ANK2: variants seen among roughly 807,000 people sequenced by gnomAD.
ANK2 encodes ankyrin-2.
In ANK2, 83 loss-of-function variants were observed where a neutral mutation model predicts 360.5. The ratio of observed to expected loss-of-function variants is 0.23; its 90% confidence interval spans 0.19 to 0.28. ANK2 has a LOEUF of 0.28. Among genes scored for constraint, ANK2 ranks in the 10% least tolerant of loss-of-function variants. The probability of loss-of-function intolerance (pLI) is 1.00; values close to 1 mark genes in which losing one functional copy is unlikely to be tolerated. For missense variants in ANK2, 4,201 were observed against 4,795.7 expected, an observed-to-expected ratio of 0.88 and a Z score of 3.66; for synonymous variants, 1,740 against 1,759.5, an observed-to-expected ratio of 0.99 and a Z score of 0.28.
At chr4:112,792,200 C>T in the ANK2 span, among the ~76,000 whole-genome samples, 2 of 151,970 alleles carry the variant, frequency 1.3e-5, no homozygotes, top group Non-Finnish European at 2.9e-5. Context: ...CGCCACCACA[C>T]CTGGGTAATT....
At chr4:112,827,054 T>C in intron 1 of ANK2, 4 of 1,299,806 alleles carry the variant, frequency 3.1e-6, no homozygotes, top group Non-Finnish European at 4.5e-6. Flanking sequence ...AACTTAACTG[T>C]TGCTGTGAAC....
intron 26 of ANK2, among the ~76,000 whole-genome samples, chr4:113,327,915 A>T (rs1430964953): frequency 6.6e-6 from 1 of 152,232 alleles, no homozygotes; most frequent in Non-Finnish European, 1.5e-5. Context: ...GTTTCAAGAG[A>T]CACAGTCAAT....
chr4:113,097,067 T>A (rs2091351782), intron 1 of ANK2, among the ~76,000 whole-genome samples: 1 of 150,952 alleles, frequency 6.6e-6, no homozygotes, highest in South Asian at 2.1e-4. Flanking sequence ...GGCTAGGATG[T>A]CTGTCATTTA....
chr4:113,131,731 T>C (rs1307627267), intron 1 of ANK2, among the ~76,000 whole-genome samples: 2 of 152,190 alleles, frequency 1.3e-5, no homozygotes, highest in African/African-American at 4.8e-5. Flanking sequence ...AAGCAGTATA[T>C]TGTAACTGAG....
intron 14 of ANK2, among the ~76,000 whole-genome samples, chr4:113,272,465 A>G (rs754245147): frequency 4.6e-5 from 7 of 152,242 alleles, no homozygotes; most frequent in Non-Finnish European, 7.3e-5. Flanking sequence ...TTTGCAATTC[A>G]GCAGGGAAAT....
rs150226540 is a variant in ANK2, at chr4:113,249,834, G to C, written c.962G>C (p.Arg321Pro). ...CAAGTGGTGGAACTTCTGTTGGAACGGGGTGCCCCCTTGCTGGCAAGGACT... is the reference window on the plus strand; with the variant it reads ...CAAGTGGTGGAACTTCTGTTGGAACCGGGTGCCCCCTTGCTGGCAAGGACT... Reference protein sequence around the residue: ...HDQVVELLLERGAPLLARTKN... With the variant: ...HDQVVELLLEPGAPLLARTKN... Residue 321 changes from arginine to proline, a missense_variant, in exon 10 of 46, where the codon CGG (arginine) becomes CCG (proline). Coordinates refer to ENST00000357077, the MANE Select transcript of ANK2 (RefSeq NM_001148.6). 6 of 1,614,000 alleles carry C rather than the reference G, an allele frequency of 3.7e-6. No homozygotes were observed.
At chr4:112,933,865 C>G (rs1581429281) in intron 2 of ANK2, among the ~76,000 whole-genome samples, 1 of 151,186 alleles carries the variant, frequency 6.6e-6, no homozygotes, top group Non-Finnish European at 1.5e-5. Flanking sequence ...AAATAAGGTA[C>G]AAATAATTAA....
At chr4:113,037,091 C>T (rs2061774155) in intron 2 of ANK2, among the ~76,000 whole-genome samples, 1 of 151,936 alleles carries the variant, frequency 6.6e-6, no homozygotes, top group Admixed American at 6.6e-5. Flanking sequence ...ACCTGGGAGT[C>T]TCATATCTTC....
chr4:112,896,428 A>G (rs528947429), intron 1 of ANK2, among the ~76,000 whole-genome samples: 2 of 152,326 alleles, frequency 1.3e-5, no homozygotes, highest in Admixed American at 1.3e-4. Context: ...TCTGAGAGGT[A>G]AAATCTGTGC....
At chr4:113,191,287 A>G (rs1292175903) in intron 2 of ANK2, among the ~76,000 whole-genome samples, 1 of 152,144 alleles carries the variant, frequency 6.6e-6, no homozygotes, top group Non-Finnish European at 1.5e-5. Flanking sequence ...AGGTTGCACG[A>G]TGAGTTGAGA....
intron 1 of ANK2, among the ~76,000 whole-genome samples, chr4:112,881,497 T>A (rs1405851444): frequency 6.6e-6 from 1 of 152,234 alleles, no homozygotes; most frequent in African/African-American, 2.4e-5. Flanking sequence ...TGCTAGATAT[T>A]CAAAGTCCTT....
intron 2 of ANK2, among the ~76,000 whole-genome samples, chr4:113,186,631 A>G (rs192014518): frequency 1.5e-5 from 2 of 134,054 alleles, no homozygotes; most frequent in East Asian, 4.6e-4. Flanking sequence ...CTATCTCTGT[A>G]TTGATGATTG....
intron 2 of ANK2, among the ~76,000 whole-genome samples, chr4:112,982,429 C>T (rs988618378): frequency 1.3e-5 from 2 of 152,224 alleles, no homozygotes; most frequent in Admixed American, 6.5e-5. Flanking sequence ...AACATCCACT[C>T]GGTAGCATAA....
At chr4:113,216,839 C>G (rs1414409542) in intron 4 of ANK2, among the ~76,000 whole-genome samples, 1 of 152,002 alleles carries the variant, frequency 6.6e-6, no homozygotes, top group African/African-American at 2.4e-5. Context: ...AGCTTTTGTA[C>G]TTTGGGATCA....
chr4:112,955,912 C>T (rs2095308887), intron 2 of ANK2, among the ~76,000 whole-genome samples: 1 of 152,186 alleles, frequency 6.6e-6, no homozygotes, highest in East Asian at 1.9e-4. Context: ...TTATCAATCA[C>T]CTACTATGTG....
the ANK2 span, among the ~76,000 whole-genome samples, chr4:112,724,254 A>G: frequency 6.6e-6 from 1 of 151,800 alleles, no homozygotes; most frequent in Non-Finnish European, 1.5e-5. Context: ...TTGTAGAGAC[A>G]GTGTCTCACC....
At position 113,104,742 on chromosome 4, in the gene ANK2, T is replaced by C. The variant is rs201334557; in HGVS notation, c.84+54930T>C. Among the ~76,000 whole-genome samples the C allele has an allele frequency of 1.5e-3, 209 of 137,716 alleles. 1 individual carries two copies. Among genetic ancestry groups the C allele is most frequent in the African/African-American group, 4.8e-3 (164 of 34,282 alleles). The allele number at this position is 137,716 out of a possible 152,430, so 90.3% of individuals were successfully genotyped here. On this transcript the variant is annotated intron_variant, in intron 1 of 45. Coordinates refer to ENST00000357077, the MANE Select transcript of ANK2 (RefSeq NM_001148.6). Reference sequence around the variant, plus strand: ...AGCTAAACAACAACAACAACAACAATAACAACAACAAAAACATGTATAACT... The same window carrying C: ...AGCTAAACAACAACAACAACAACAACAACAACAACAAAAACATGTATAACT...
intron 2 of ANK2, among the ~76,000 whole-genome samples, chr4:112,967,866 A>G (rs2037934557): frequency 6.6e-6 from 1 of 152,210 alleles, no homozygotes; most frequent in Non-Finnish European, 1.5e-5. Context: ...TTGAAAAGAC[A>G]AAAAGCCTGT....
chr4:112,782,050 G>C, the ANK2 span, among the ~76,000 whole-genome samples: 1 of 152,096 alleles, frequency 6.6e-6, no homozygotes, highest in East Asian at 1.9e-4. Context: ...GGCTAGTCTC[G>C]AACTCCTGAC....
Sources: gnomAD v4.1 joint callset for allele counts (sites outside exome capture counted in the v4.1 genomes callset) on GRCh38, gnomAD v4.1.1 for gene constraint, MANE v1.5 for transcripts, NCBI Gene and HGNC (gene_info 2026-07-23, HGNC 2026-07-21) for gene names.